AIG1: variants seen among roughly 807,000 people sequenced by gnomAD.
The protein encoded by AIG1 is androgen induced 1, also known as androgen-induced gene 1 protein.
In AIG1, 23 loss-of-function variants were observed where a neutral mutation model predicts 31.4. The ratio of observed to expected loss-of-function variants is 0.73; its 90% CI spans 0.53 to 1.04. The LOEUF (loss-of-function observed/expected upper bound fraction) is 1.04. Among genes scored for constraint, AIG1 ranks in the 50% least tolerant of loss-of-function variants. The probability of loss-of-function intolerance (pLI) is 0.00; values close to 1 mark genes in which losing one functional copy is unlikely to be tolerated. For synonymous variants in AIG1, 100 were observed against 110.5 expected, an observed-to-expected ratio of 0.90 and a Z score of 0.60; for missense variants, 274 against 295.0, an observed-to-expected ratio of 0.93 and a Z score of 0.52.
intron 1 of AIG1, among the ~76,000 whole-genome samples, chr6:143,085,654 A>G (rs1220928358): frequency 6.6e-6 from 1 of 152,140 alleles, no homozygotes; most frequent in Non-Finnish European, 1.5e-5. Context: ...ATTGAGATAG[A>G]GTTTTTTTGA....
At chr6:143,082,585 A>G (rs943333267) in intron 1 of AIG1, among the ~76,000 whole-genome samples, 1 of 152,204 alleles carries the variant, frequency 6.6e-6, no homozygotes, top group South Asian at 2.1e-4. Flanking sequence ...ATGTCCACAC[A>G]GTAAGAGCTC....
intron 1 of AIG1, among the ~76,000 whole-genome samples, chr6:143,074,345 G>A (rs764936685): frequency 1.5e-4 from 23 of 152,140 alleles, no homozygotes; most frequent in East Asian, 9.6e-4. Context: ...AACTATTCCC[G>A]TGTATTCTCT....
chr6:143,320,333 T>G (rs1776108652), intron 4 of AIG1, among the ~76,000 whole-genome samples: 1 of 152,134 alleles, frequency 6.6e-6, no homozygotes, highest in Non-Finnish European at 1.5e-5. Context: ...GAAACAGAAC[T>G]ACCATATGAT....
At chr6:143,257,462 G>A (rs751500017) in intron 3 of AIG1, among the ~76,000 whole-genome samples, 14 of 152,156 alleles carry the variant, frequency 9.2e-5, no homozygotes, top group Non-Finnish European at 1.5e-4. Context: ...GAATCTTTAG[G>A]ATTTTCAGTG....
At chr6:143,126,137 T>A (rs1259280305) in intron 1 of AIG1, 3 of 152,198 alleles carry the variant, frequency 2.0e-5, no homozygotes, top group African/African-American at 7.2e-5. Flanking sequence ...CCTCTTTGGC[T>A]CAGTCAGGCT....
chr6:143,096,943 C>T (rs1012847646), intron 1 of AIG1, among the ~76,000 whole-genome samples: 13 of 150,264 alleles, frequency 8.7e-5, no homozygotes, highest in Non-Finnish European at 1.3e-4. Context: ...TTTTTTCCAT[C>T]TTATACATTT....
chr6:143,196,042 A>G (rs1234728272), intron 3 of AIG1, among the ~76,000 whole-genome samples: 1 of 152,214 alleles, frequency 6.6e-6, no homozygotes. Context: ...ATTTTCTCCC[A>G]GTGAAAGAGG....
intron 1 of AIG1, among the ~76,000 whole-genome samples, chr6:143,106,400 A>G (rs1334516713): frequency 6.6e-6 from 1 of 152,204 alleles, no homozygotes; most frequent in East Asian, 1.9e-4. Flanking sequence ...CATCCAGTGT[A>G]TGATGCTTTG....
chr6:143,266,099 C>T (rs1376534787), intron 3 of AIG1, among the ~76,000 whole-genome samples: 1 of 152,178 alleles, frequency 6.6e-6, no homozygotes, highest in East Asian at 1.9e-4. Flanking sequence ...CCTGTAATCC[C>T]AGCACTGTGG....
At chr6:143,303,873 C>T (rs1310012196) in intron 4 of AIG1, among the ~76,000 whole-genome samples, 3 of 147,682 alleles carry the variant, frequency 2.0e-5, no homozygotes, top group African/African-American at 7.6e-5. Context: ...GAATGTTCTT[C>T]CATTTGTTTG....
chr6:143,322,440 T>A (rs1011040369), intron 4 of AIG1, among the ~76,000 whole-genome samples: 8 of 152,340 alleles, frequency 5.3e-5, no homozygotes, highest in African/African-American at 1.9e-4. Context: ...CCACACTCCC[T>A]ACCTCCCTTC....
In AIG1 at chr6:143,298,204, A is replaced by G; in HGVS notation, c.515+13979A>G. On this transcript the variant is annotated intron_variant, in intron 4 of 5. Transcript: ENST00000357847. The surrounding 1 kb of genome is among the most constrained non-coding windows in gnomAD (Gnocchi z 5.1). ...TTCTTGCCAGCCTCTGGAGAAATCC[A>G]GGAATTGTCATTTGTACTCTGTGGA... is the stretch of plus-strand genomic sequence containing the variant. 6.6e-6 allele frequency among the ~76,000 whole-genome samples: 1 copy of G among 152,200 alleles called. No homozygotes were observed. The highest frequency in any genetic ancestry group is 1.5e-5 in the Non-Finnish European group (1 of 68,026).
chr6:143,144,023 C>T (rs1412003045), intron 2 of AIG1, among the ~76,000 whole-genome samples: 5 of 152,286 alleles, frequency 3.3e-5, no homozygotes, highest in African/African-American at 1.2e-4. Flanking sequence ...GCTTCTCAAT[C>T]ATCTCATATA....
At chr6:143,254,955 T>G (rs543101159) in intron 3 of AIG1, among the ~76,000 whole-genome samples, 1 of 152,128 alleles carries the variant, frequency 6.6e-6, no homozygotes, top group Non-Finnish European at 1.5e-5. Context: ...GAGGATCACC[T>G]GAGCCCCAGG....
chr6:143,204,471 T>C (rs1790951217), intron 3 of AIG1, among the ~76,000 whole-genome samples: 1 of 152,152 alleles, frequency 6.6e-6, no homozygotes, highest in Non-Finnish European at 1.5e-5. Flanking sequence ...AGTCTGACTT[T>C]TTATTGGCAG....
intron 1 of AIG1, among the ~76,000 whole-genome samples, chr6:143,131,274 T>C (rs1004251508): frequency 2.6e-5 from 4 of 152,242 alleles, no homozygotes; most frequent in African/African-American, 7.2e-5. Flanking sequence ...TTAATATTGC[T>C]AATATTTCAT....
chr6:143,306,454 G>A (rs1327825687), intron 4 of AIG1, among the ~76,000 whole-genome samples: 1 of 152,048 alleles, frequency 6.6e-6, no homozygotes, highest in Non-Finnish European at 1.5e-5. Flanking sequence ...TTGCTTGTCT[G>A]TAAAGGATTT....
intron 1 of AIG1, among the ~76,000 whole-genome samples, chr6:143,130,382 C>G (rs1309168369): frequency 3.9e-5 from 6 of 152,000 alleles, no homozygotes; most frequent in Admixed American, 1.3e-4. Flanking sequence ...AAAGTGTTCC[C>G]TACTGTATGC....
At position 143,334,006 on chromosome 6, in the gene AIG1, G is replaced by C. The variant is rs1394123475; in HGVS notation, c.679+561G>C. 4.6e-6 allele frequency: 7 copies of C among 1,506,924 alleles called. No individual in the cohort carries two copies. Among genetic ancestry groups the C allele is most frequent in the Non-Finnish European group, 5.4e-6 (6 of 1,109,870 alleles). The allele number at this position is 1,506,924 out of a possible 1,614,324, so 93.3% of individuals were successfully genotyped here. ...TGGCAAAGAGCTACAAGCAGTAAAAGATAATATTTCGTGGCTGGAAAAACT... is the reference window on the plus strand; with the variant it reads ...TGGCAAAGAGCTACAAGCAGTAAAACATAATATTTCGTGGCTGGAAAAACT... On this transcript the variant is annotated intron_variant, in intron 5 of 5. Coordinates refer to ENST00000357847, the MANE Select transcript of AIG1 (RefSeq NM_016108.4). The surrounding 1 kb of genome is among the most constrained non-coding windows in gnomAD (Gnocchi z 5.1).
Sources: gnomAD v4.1 joint callset for allele counts (sites outside exome capture counted in the v4.1 genomes callset) on GRCh38, gnomAD v4.1.1 for gene constraint, Gnocchi (gnomAD v3.1) non-coding constraint, MANE v1.5 for transcripts, NCBI Gene and HGNC (gene_info 2026-07-23, HGNC 2026-07-21) for gene names.